SYT1: variants seen among roughly 807,000 people sequenced by gnomAD.
The protein encoded by SYT1 is synaptotagmin 1.
In SYT1, 8 loss-of-function variants were observed where a neutral mutation model predicts 44.8. That is an observed-to-expected ratio of 0.18 (90% CI 0.10 to 0.32). The LOEUF (loss-of-function observed/expected upper bound fraction) is 0.32. Among genes scored for constraint, SYT1 ranks in the 10% least tolerant of loss-of-function variants. The pLI is 1.00. For synonymous variants in SYT1, 154 were observed against 188.8 expected, an observed-to-expected ratio of 0.82 and a Z score of 1.51; for missense variants, 286 against 509.3, an observed-to-expected ratio of 0.56 and a Z score of 4.22.
chr12:79,315,015 G>A lies in SYT1; in HGVS notation c.810+15464G>A, dbSNP rs1007599014. 5.9e-5 allele frequency among the ~76,000 whole-genome samples: 9 copies of A among 152,262 alleles called. No homozygotes were observed. The South Asian group carries it at 1.7e-3, about 28-fold the overall frequency. On this transcript the variant is annotated intron_variant, in intron 8 of 10. Coordinates refer to ENST00000261205, the MANE Select transcript of SYT1 (RefSeq NM_005639.3). The stretch of plus-strand genomic sequence containing the variant: ...GGAAATGGGGAATGACAGGTAATGG[G>A]TATGGGATTCTTTTGGAGTGATGAA...
chr12:79,088,754 GTGTGTGTGTGTGTGTGTGTGTGTGTA>G (rs1361852079), intron 3 of SYT1, among the ~76,000 whole-genome samples: 2 of 150,394 alleles, frequency 1.3e-5, no homozygotes, highest in East Asian at 2.0e-4. Context: ...GTGTGTGTGT[GTGTGTGTGTGTGTGTGTGTGTGTGTA>G]TGTGTGTGTG....
intron 8 of SYT1, among the ~76,000 whole-genome samples, chr12:79,337,616 T>C (rs945477064): frequency 2.0e-5 from 3 of 152,158 alleles, no homozygotes; most frequent in African/African-American, 7.2e-5. Flanking sequence ...TGTGTATAAA[T>C]CATTCAGATA....
At chr12:79,097,314 G>A (rs922076701) in intron 3 of SYT1, among the ~76,000 whole-genome samples, 8 of 152,072 alleles carry the variant, frequency 5.3e-5, no homozygotes, top group East Asian at 1.9e-4. Flanking sequence ...GGCCTAGTCC[G>A]TCTTAACTAG....
chr12:79,356,185 T>C (rs1883106184), intron 9 of SYT1, among the ~76,000 whole-genome samples: 1 of 151,202 alleles, frequency 6.6e-6, no homozygotes, highest in African/African-American at 2.4e-5. Flanking sequence ...AGACAACAGA[T>C]ACCTCGTGGC....
At chr12:79,350,668 G>C (rs907758793) in intron 8 of SYT1, among the ~76,000 whole-genome samples, 1 of 151,968 alleles carries the variant, frequency 6.6e-6, no homozygotes, top group African/African-American at 2.4e-5. Context: ...ATTAATCTTG[G>C]ATCAAACCAC....
intron 3 of SYT1, among the ~76,000 whole-genome samples, chr12:79,151,865 T>C (rs566673014): frequency 1.3e-5 from 2 of 152,124 alleles, no homozygotes; most frequent in Admixed American, 6.5e-5. Context: ...GAAAATGATA[T>C]GGAGTTCAGG....
intron 4 of SYT1, among the ~76,000 whole-genome samples, chr12:79,229,212 G>A (rs1000007294): frequency 3.3e-5 from 5 of 152,218 alleles, no homozygotes; most frequent in Admixed American, 1.3e-4. Flanking sequence ...AAACGGGGAG[G>A]AGGAGCTGTT....
chr12:78,865,767 C>A (rs1873509979), intron 1 of SYT1, among the ~76,000 whole-genome samples: 1 of 152,008 alleles, frequency 6.6e-6, no homozygotes, highest in South Asian at 2.1e-4. Context: ...AAAAATAAAC[C>A]GACAATCCAA....
chr12:79,324,099 C>T (rs1301734687), intron 8 of SYT1, among the ~76,000 whole-genome samples: 3 of 151,612 alleles, frequency 2.0e-5, no homozygotes, highest in Non-Finnish European at 4.4e-5. Context: ...TACAGGTGCA[C>T]GCCACCACTC....
chr12:79,223,022 T>A (rs182286682), intron 4 of SYT1, among the ~76,000 whole-genome samples: 2 of 152,356 alleles, frequency 1.3e-5, no homozygotes, highest in Admixed American at 1.3e-4. Flanking sequence ...TGGTCTCATA[T>A]TATTTTCTCA....
At chr12:79,038,337 C>T (rs990900795) in intron 2 of SYT1, among the ~76,000 whole-genome samples, 2 of 151,370 alleles carry the variant, frequency 1.3e-5, no homozygotes, top group Non-Finnish European at 3.0e-5. Flanking sequence ...ATTTCATCTA[C>T]TGTCCTAATA....
chr12:79,077,810 G>A (rs1021749237), intron 3 of SYT1, among the ~76,000 whole-genome samples: 13 of 152,066 alleles, frequency 8.5e-5, no homozygotes, highest in African/African-American at 2.9e-4. Context: ...GGGCCATTCA[G>A]TATTATCATG....
intron 1 of SYT1, among the ~76,000 whole-genome samples, chr12:78,927,726 C>G (rs1210193336): frequency 6.6e-6 from 1 of 152,076 alleles, no homozygotes; most frequent in African/African-American, 2.4e-5. Flanking sequence ...CAGTAGATAT[C>G]AGGATAATTT....
intron 1 of SYT1, among the ~76,000 whole-genome samples, chr12:78,904,716 G>A (rs901762765): frequency 6.6e-6 from 1 of 152,070 alleles, no homozygotes; most frequent in Non-Finnish European, 1.5e-5. Context: ...TATTATATGA[G>A]CCATAGTCTA....
intron 4 of SYT1, among the ~76,000 whole-genome samples, chr12:79,255,439 G>A (rs1217513006): frequency 6.6e-6 from 1 of 152,144 alleles, no homozygotes; most frequent in African/African-American, 2.4e-5. Context: ...TATGCACTGT[G>A]AAACCAAAAA....
intron 2 of SYT1, among the ~76,000 whole-genome samples, chr12:79,005,892 A>G (rs1447530390): frequency 6.6e-6 from 1 of 152,132 alleles, no homozygotes; most frequent in Non-Finnish European, 1.5e-5. Flanking sequence ...CACCATGGAA[A>G]CACTTCAACA....
At chr12:79,037,016 T>C (rs933563271) in intron 2 of SYT1, among the ~76,000 whole-genome samples, 3 of 151,848 alleles carry the variant, frequency 2.0e-5, no homozygotes, top group Non-Finnish European at 4.4e-5. Context: ...TACAGAATTT[T>C]ACTTTTGTCA....
At chr12:79,184,535 TAA>T (rs386764561) in intron 3 of SYT1, among the ~76,000 whole-genome samples, 8,123 of 152,102 alleles carry the variant, frequency 0.053, 431 homozygotes, top group African/African-American at 0.13. Flanking sequence ...AGAGAGATTA[TAA>T]TGAGATGAGA....
chr12:79,371,592 T>C (rs986048838), intron 9 of SYT1, among the ~76,000 whole-genome samples: 1 of 152,212 alleles, frequency 6.6e-6, no homozygotes, highest in African/African-American at 2.4e-5. Context: ...ATTTGTGTTC[T>C]ATTCAATGAC....
Sources: allele counts gnomAD v4.1 joint callset (sites outside exome capture counted in the v4.1 genomes callset), GRCh38; gene constraint gnomAD v4.1.1; transcripts MANE v1.5; gene names NCBI Gene and HGNC (gene_info 2026-07-23, HGNC 2026-07-21).